Variants in CDH13 observed in about 807,000 individuals in gnomAD.
CDH13 encodes the protein cadherin-13.
CDH13 carries 24 observed loss-of-function variants against 63.8 expected under a neutral mutation model. The observed-to-expected ratio is 0.38, with a 90% CI of 0.27 to 0.53. CDH13 has a LOEUF of 0.53. Ranked by LOEUF, CDH13 falls within the 20% of genes least tolerant of loss-of-function variation. The probability of loss-of-function intolerance (pLI) is 0.85; values close to 1 mark genes in which losing one functional copy is unlikely to be tolerated. For missense variants in CDH13, 1,049 were observed against 903.1 expected (o/e 1.16, Z -2.07); for synonymous variants, 503 against 355.3 (o/e 1.42, Z -4.67).
chr16:83,131,280 C>A (rs939215005), intron 4 of CDH13, among the ~76,000 whole-genome samples: 1 of 138,568 alleles, frequency 7.2e-6, no homozygotes, highest in East Asian at 2.2e-4. Context: ...TAATTTCTGG[C>A]TCTTTTCCAT....
intron 9 of CDH13, among the ~76,000 whole-genome samples, chr16:83,677,498 T>TTCACATGCCCTCAGTTGGGCCAG (rs1409210266): frequency 3.4e-5 from 4 of 116,192 alleles, no homozygotes; most frequent in Admixed American, 3.1e-4. Flanking sequence ...CCCATACATT[T>TTCACATGCCCTCAGTTGGGCCAG]TCACATGCCC....
At chr16:82,925,745 G>A (rs1017130660) in intron 2 of CDH13, among the ~76,000 whole-genome samples, 24 of 152,162 alleles carry the variant, frequency 1.6e-4, no homozygotes, top group Non-Finnish European at 2.9e-5. Context: ...CCTAAGAGCA[G>A]CCCATTGCTA....
In CDH13 at chr16:83,783,277, C is replaced by T. The variant is rs747861132; in HGVS notation, c.1939C>T (p.Leu647Phe). The change falls in exon 13 of 14, where the codon CTT (leucine) becomes TTT (phenylalanine). Residue 647 changes from leucine to phenylalanine, a missense_variant. By Grantham distance (22) the Leu-to-Phe change is conservative (BLOSUM62 0). Coordinates refer to ENST00000567109, the MANE Select transcript of CDH13 (RefSeq NM_001257.5). The stretch of plus-strand genomic sequence containing the variant: ...AGATACACACGCCCTGGTAAGCCTT[C>T]TTCAAAATCTGAACAAAGCAAACTA... ...INNTHALVSLLQNLNKANYNL... is the reference protein window; with the variant it reads ...INNTHALVSLFQNLNKANYNL... The T allele has an allele frequency of 6.2e-7, 1 of 1,613,892 alleles. No homozygotes were observed. The highest frequency in any genetic ancestry group is 8.5e-7 in the Non-Finnish European group (1 of 1,179,810).
chr16:83,741,762 C>T (rs151255240), intron 10 of CDH13, among the ~76,000 whole-genome samples: 6 of 152,248 alleles, frequency 3.9e-5, no homozygotes, highest in African/African-American at 7.2e-5. Flanking sequence ...AACCATGCTG[C>T]GCAAACATGG....
chr16:82,937,580 G>A (rs967136985), intron 2 of CDH13, among the ~76,000 whole-genome samples: 2 of 152,146 alleles, frequency 1.3e-5, no homozygotes, highest in Admixed American at 1.3e-4. Context: ...ATTTGTGACT[G>A]ACTGAATGAA....
At chr16:83,406,423 CCCG>C (rs199516769) in intron 6 of CDH13, among the ~76,000 whole-genome samples, 8,203 of 151,548 alleles carry the variant, frequency 0.054, 211 homozygotes, top group Non-Finnish European at 0.062. Context: ...TCTTTCCCCC[CCCG>C]CCTCTCTCTC....
At chr16:83,279,784 A>C (rs568379348) in intron 5 of CDH13, among the ~76,000 whole-genome samples, 3 of 152,314 alleles carry the variant, frequency 2.0e-5, no homozygotes, top group African/African-American at 7.2e-5. Context: ...CAGAGATATC[A>C]AAGGTTGATT....
chr16:83,297,207 A>C (rs1412405415), intron 5 of CDH13, among the ~76,000 whole-genome samples: 1 of 152,158 alleles, frequency 6.6e-6, no homozygotes, highest in Non-Finnish European at 1.5e-5. Flanking sequence ...TGTGTATCTG[A>C]AAATAGCTAG....
chr16:82,680,072 C>T (rs370426682), intron 1 of CDH13, among the ~76,000 whole-genome samples: 11 of 152,162 alleles, frequency 7.2e-5, no homozygotes, highest in Admixed American at 2.0e-4. Context: ...ACTCTCATCC[C>T]TCCACTGGGG....
intron 4 of CDH13, among the ~76,000 whole-genome samples, chr16:83,198,075 A>C (rs2038925317): frequency 6.6e-6 from 1 of 152,212 alleles, no homozygotes; most frequent in Non-Finnish European, 1.5e-5. Context: ...ATTTTAGTAT[A>C]GTTAACTATC....
chr16:83,774,838 G>A (rs1420883223), intron 11 of CDH13, among the ~76,000 whole-genome samples: 4 of 152,174 alleles, frequency 2.6e-5, no homozygotes, highest in African/African-American at 4.8e-5. Context: ...TGCATGGTGA[G>A]AAAGTTCTGG....
intron 10 of CDH13, among the ~76,000 whole-genome samples, chr16:83,717,585 G>GTGTC (rs1161383503): frequency 6.6e-6 from 1 of 152,228 alleles, no homozygotes; most frequent in Admixed American, 6.5e-5. Flanking sequence ...CTGACTCTTG[G>GTGTC]TGTCTATTTC....
intron 1 of CDH13, among the ~76,000 whole-genome samples, chr16:82,794,501 C>G (rs2151144401): frequency 6.6e-6 from 1 of 151,388 alleles, no homozygotes; most frequent in East Asian, 1.9e-4. Flanking sequence ...AGACCAACGG[C>G]TAGGAATAGC....
chr16:82,929,438 C>T (rs992673768), intron 2 of CDH13, among the ~76,000 whole-genome samples: 1 of 151,516 alleles, frequency 6.6e-6, no homozygotes, highest in African/African-American at 2.4e-5. Context: ...GTCAGGAGAT[C>T]GAGACCATCC....
intron 2 of CDH13, among the ~76,000 whole-genome samples, chr16:82,912,268 G>A (rs1248194730): frequency 9.3e-6 from 1 of 107,280 alleles, no homozygotes; most frequent in Non-Finnish European, 2.0e-5. Context: ...TCATGGCGGA[G>A]GGAGTGAGCA....
At chr16:83,551,702 T>TC (rs2075502659) in intron 7 of CDH13, among the ~76,000 whole-genome samples, 3 of 152,202 alleles carry the variant, frequency 2.0e-5, no homozygotes, top group Admixed American at 2.0e-4. Flanking sequence ...ATTCTTGTCC[T>TC]CCCTTGGAGA....
Position 83,057,841 on chromosome 16 carries a change from G to T in CDH13, c.366+25623G>T, listed in dbSNP as rs190306872. Among the ~76,000 whole-genome samples the T allele has an allele frequency of 4.3e-4, 65 of 152,212 alleles. 1 individual carries two copies. Among genetic ancestry groups the T allele is most frequent in the Admixed American group, 3.9e-3 (60 of 15,284 alleles). On this transcript the variant is annotated intron_variant, in intron 3 of 13. Transcript: ENST00000567109. ...TTCCAGCACACTTGTATTTTTTATG[G>T]TACTAAGAAAGAAAAATGCTGACGC... is the stretch of plus-strand genomic sequence containing the variant.
intron 1 of CDH13, among the ~76,000 whole-genome samples, chr16:82,848,454 C>G (rs1260315617): frequency 6.6e-6 from 1 of 152,024 alleles, no homozygotes; most frequent in African/African-American, 2.4e-5. Flanking sequence ...TATGTGATCA[C>G]TTTGTGTCTC....
chr16:83,015,677 G>GTATGTGTA (rs1555562893), intron 2 of CDH13, among the ~76,000 whole-genome samples: 1 of 37,568 alleles, frequency 2.7e-5, no homozygotes, highest in South Asian at 1.5e-3. Context: ...GTGTGTGTAT[G>GTATGTGTA]TATATATATA....
Sources: gnomAD v4.1 joint callset for allele counts (sites outside exome capture counted in the v4.1 genomes callset) on GRCh38, gnomAD v4.1.1 for gene constraint, MANE v1.5 for transcripts, NCBI Gene and HGNC (gene_info 2026-07-23, HGNC 2026-07-21) for gene names.